The following ZNF385B variants were observed in gnomAD, a reference collection of about 807,000 sequenced individuals.
ZNF385B encodes zinc finger protein 533.
ZNF385B carries 23 observed loss-of-function variants against 39.2 expected under a neutral mutation model. The observed-to-expected ratio is 0.59, with a 90% CI of 0.42 to 0.83. The LOEUF (loss-of-function observed/expected upper bound fraction) is 0.83. Among genes scored for constraint, ZNF385B ranks in the 40% least tolerant of loss-of-function variants. The probability of loss-of-function intolerance (pLI) is 0.00; values close to 1 mark genes in which losing one functional copy is unlikely to be tolerated. For synonymous variants in ZNF385B, 205 were observed against 222.6 expected, an observed-to-expected ratio of 0.92 and a Z score of 0.70; for missense variants, 552 against 598.9, an observed-to-expected ratio of 0.92 and a Z score of 0.82.
chr2:179,451,604 G>A (rs1284050134), intron 6 of ZNF385B, among the ~76,000 whole-genome samples: 1 of 151,926 alleles, frequency 6.6e-6, no homozygotes, highest in African/African-American at 2.4e-5. Context: ...TAATCTTTGA[G>A]AATATTAAGG....
chr2:179,812,804 ACTTT>A (rs1706820601), intron 1 of ZNF385B, among the ~76,000 whole-genome samples: 2 of 152,184 alleles, frequency 1.3e-5, no homozygotes, highest in Admixed American at 6.5e-5. Flanking sequence ...TATTTATTTT[ACTTT>A]CTTTGAAAGC....
At chr2:179,757,528 G>A (rs1703115879) in intron 3 of ZNF385B, among the ~76,000 whole-genome samples, 1 of 152,214 alleles carries the variant, frequency 6.6e-6, no homozygotes, top group Non-Finnish European at 1.5e-5. Flanking sequence ...GGTTTCTGCT[G>A]CCTTTTGTTT....
In ZNF385B at chr2:179,702,146, G is replaced by C. The variant is rs188738926; in HGVS notation, c.298+67357C>G. 4.6e-5 allele frequency among the ~76,000 whole-genome samples: 7 copies of C among 152,020 alleles called. No homozygotes were observed. The East Asian group carries it at 5.8e-4, about 13-fold the overall frequency. On this transcript the variant is annotated intron_variant, in intron 3 of 9. Transcript: ENST00000410066. ...GTGCACATGTACCCTAAAACTTAAAGTATAATAAAAAAATGTTTTCAGGGT... is the reference window on the plus strand; with the variant it reads ...GTGCACATGTACCCTAAAACTTAAACTATAATAAAAAAATGTTTTCAGGGT...
chr2:179,587,941 A>C (rs1489850351), intron 3 of ZNF385B, among the ~76,000 whole-genome samples: 1 of 152,226 alleles, frequency 6.6e-6, no homozygotes, highest in Non-Finnish European at 1.5e-5. Context: ...CAAAAGATAA[A>C]ATGGTCTTTC....
intron 5 of ZNF385B, among the ~76,000 whole-genome samples, chr2:179,505,969 G>A (rs1308940242): frequency 6.6e-6 from 1 of 152,100 alleles, no homozygotes; most frequent in Non-Finnish European, 1.5e-5. Flanking sequence ...TTGCAGTTGA[G>A]TTTTAATAAT....
intron 3 of ZNF385B, among the ~76,000 whole-genome samples, chr2:179,594,820 T>G (rs1687867568): frequency 6.6e-6 from 1 of 151,968 alleles, no homozygotes; most frequent in Admixed American, 6.6e-5. Flanking sequence ...TCTGTTTTGT[T>G]TTTTTTAGAC....
At chr2:179,708,605 C>A (rs549507118) in intron 3 of ZNF385B, among the ~76,000 whole-genome samples, 13 of 152,290 alleles carry the variant, frequency 8.5e-5, no homozygotes, top group Middle Eastern at 3.4e-3. Context: ...TGGCTCTCAT[C>A]TTGGAATACC....
intron 3 of ZNF385B, among the ~76,000 whole-genome samples, chr2:179,555,811 C>G (rs1362525099): frequency 6.7e-6 from 1 of 149,144 alleles, no homozygotes; most frequent in African/African-American, 2.5e-5. Context: ...TCTATAAAAT[C>G]TAACAATTGG....
chr2:179,595,363 C>T (rs1687910594), intron 3 of ZNF385B, among the ~76,000 whole-genome samples: 1 of 152,096 alleles, frequency 6.6e-6, no homozygotes, highest in Non-Finnish European at 1.5e-5. Context: ...AATGTTTCTT[C>T]CTGTAAAGCT....
At chr2:179,583,877 G>A (rs1686804378) in intron 3 of ZNF385B, 1 of 1,295,886 alleles carries the variant, frequency 7.7e-7, no homozygotes, top group African/African-American at 1.5e-5. Context: ...ACTGCCCTCA[G>A]TCCACATATA....
chr2:179,793,426 G>A (rs1042877393), intron 1 of ZNF385B, among the ~76,000 whole-genome samples: 21 of 152,222 alleles, frequency 1.4e-4, no homozygotes, highest in African/African-American at 5.1e-4. Context: ...CCCAGGTGGT[G>A]AAGGAGAGAC....
chr2:179,620,762 T>C (rs189191581), intron 3 of ZNF385B, among the ~76,000 whole-genome samples: 1 of 152,298 alleles, frequency 6.6e-6, no homozygotes, highest in African/African-American at 2.4e-5. Flanking sequence ...AAGACTTTGT[T>C]GAGATGGCTT....
chr2:179,560,098 C>A (rs1054507581), intron 3 of ZNF385B, among the ~76,000 whole-genome samples: 2 of 152,032 alleles, frequency 1.3e-5, no homozygotes, highest in Non-Finnish European at 2.9e-5. Context: ...GTAGGATCTT[C>A]TTTTTAAAAT....
intron 3 of ZNF385B, among the ~76,000 whole-genome samples, chr2:179,582,962 G>A (rs1686703693): frequency 6.6e-6 from 1 of 152,130 alleles, no homozygotes; most frequent in East Asian, 1.9e-4. Context: ...CGATTCTCCT[G>A]CCTCAGCCTG....
chr2:179,603,865 A>G (rs1688596125), intron 3 of ZNF385B, among the ~76,000 whole-genome samples: 1 of 152,210 alleles, frequency 6.6e-6, no homozygotes, highest in African/African-American at 2.4e-5. Flanking sequence ...GAATGCATCA[A>G]ATAAAATTAA....
chr2:179,819,362 C>T lies in ZNF385B; in HGVS notation c.-155+41739G>A, dbSNP rs369934181. Among the ~76,000 whole-genome samples, 7 of 152,244 alleles carry T rather than the reference C, an allele frequency of 4.6e-5. No homozygotes were observed. In the East Asian group the frequency reaches 1.2e-3, roughly 25 times the overall value. On this transcript the variant is annotated intron_variant, in intron 1 of 9. Coordinates refer to ENST00000410066, the MANE Select transcript of ZNF385B (RefSeq NM_152520.6). ...TTGGAATCTTTAAGTGCCTGGAACA[C>T]AGTGGCCTCCCTCATGACATCACCT...
chr2:179,515,069 C>T (rs747874545), intron 5 of ZNF385B, among the ~76,000 whole-genome samples: 5 of 152,168 alleles, frequency 3.3e-5, no homozygotes, highest in Non-Finnish European at 5.9e-5. Context: ...TGAGCCATTG[C>T]ACCCAGCCTC....
At chr2:179,661,850 G>A (rs1421381084) in intron 3 of ZNF385B, among the ~76,000 whole-genome samples, 1 of 152,108 alleles carries the variant, frequency 6.6e-6, no homozygotes, top group Non-Finnish European at 1.5e-5. Flanking sequence ...TCCCTCAGTT[G>A]AGTGATATCA....
intron 3 of ZNF385B, among the ~76,000 whole-genome samples, chr2:179,647,438 T>C (rs1692816907): frequency 6.6e-6 from 1 of 152,162 alleles, no homozygotes; most frequent in African/African-American, 2.4e-5. Flanking sequence ...CATATGCCTC[T>C]ATACCATACT....
Sources: gnomAD v4.1 joint callset for allele counts (sites outside exome capture counted in the v4.1 genomes callset) on GRCh38, gnomAD v4.1.1 for gene constraint, MANE v1.5 for transcripts, NCBI Gene and HGNC (gene_info 2026-07-23, HGNC 2026-07-21) for gene names.